The following RYR2 variants were observed in gnomAD, a reference collection of about 807,000 sequenced individuals.
The protein encoded by RYR2 is cardiac muscle ryanodine receptor-calcium release channel.
In RYR2, 227 loss-of-function variants were observed where a neutral mutation model predicts 601.1. The ratio of observed to expected loss-of-function variants is 0.38; its 90% CI spans 0.34 to 0.42. The LOEUF is 0.42. Among genes scored for constraint, RYR2 ranks in the 10% least tolerant of loss-of-function variants. The pLI, the probability that RYR2 is intolerant of heterozygous loss-of-function variation, is 1.00. For missense variants in RYR2, 4,646 were observed against 6,156.5 expected (o/e 0.75, Z 8.21); for synonymous variants, 2,223 against 2,175.1 (o/e 1.02, Z -0.61).
intron 1 of RYR2, among the ~76,000 whole-genome samples, chr1:237,211,315 A>G (rs1367623462): frequency 1.3e-5 from 2 of 152,188 alleles, no homozygotes; most frequent in Non-Finnish European, 2.9e-5. Context: ...CAAGTTATCA[A>G]TGTGCTCTGC....
intron 1 of RYR2, among the ~76,000 whole-genome samples, chr1:237,165,127 A>ATT (rs781363135): frequency 6.8e-6 from 1 of 146,962 alleles, no homozygotes; most frequent in Non-Finnish European, 1.5e-5. Context: ...TGGCTAATTA[A>ATT]TTTTTTTTTT....
chr1:237,566,816 G>A, intron 28 of RYR2, 41 bp downstream of exon 28: 12 of 1,591,754 alleles, frequency 7.5e-6, no homozygotes, highest in Non-Finnish European at 1.0e-5. Flanking sequence ...TGTACGTGCT[G>A]GAGGCTCATC....
At chr1:237,742,455 T>A in intron 80 of RYR2, 106 bp downstream of exon 80, 1 of 866,630 alleles carries the variant, frequency 1.2e-6, no homozygotes, top group African/African-American at 1.7e-5. Flanking sequence ...TTGCAGCTTA[T>A]TGTGTCAAGG....
intron 1 of RYR2, among the ~76,000 whole-genome samples, chr1:237,240,677 A>AAAAC (rs1553358934): frequency 6.7e-6 from 1 of 148,868 alleles, no homozygotes; most frequent in Non-Finnish European, 1.5e-5. Flanking sequence ...AAAAAAAAAA[A>AAAAC]AAAAAAAAAA....
At chr1:237,684,414 T>C (rs964350869) in intron 62 of RYR2, among the ~76,000 whole-genome samples, 1 of 152,018 alleles carries the variant, frequency 6.6e-6, no homozygotes, top group Admixed American at 6.6e-5. Context: ...AGTGGAGACA[T>C]CTACAGAGTG....
intron 27 of RYR2, 94 bp downstream of exon 27, chr1:237,550,785 G>C: frequency 1.5e-6 from 2 of 1,299,488 alleles, no homozygotes; most frequent in African/African-American, 1.5e-5. Context: ...GTACTGGATA[G>C]AGTCCTCTAG....
intron 1 of RYR2, among the ~76,000 whole-genome samples, chr1:237,249,913 AAGAG>A (rs1024304912): frequency 2.1e-4 from 32 of 152,206 alleles, no homozygotes; most frequent in South Asian, 4.1e-4. Context: ...CAGTCTAAGA[AAGAG>A]AGAGTCAAAA....
intron 71 of RYR2, among the ~76,000 whole-genome samples, chr1:237,712,073 A>G (rs1688886645): frequency 6.6e-6 from 1 of 152,142 alleles, no homozygotes; most frequent in African/African-American, 2.4e-5. Flanking sequence ...TTCTACTGAC[A>G]GATCCCTGGA....
At chr1:237,391,416 T>C (rs1702374405) in intron 10 of RYR2, among the ~76,000 whole-genome samples, 1 of 152,214 alleles carries the variant, frequency 6.6e-6, no homozygotes, top group Non-Finnish European at 1.5e-5. Flanking sequence ...AATTCTTTCC[T>C]GTAATTATGA....
In RYR2 at chr1:237,213,469, C is replaced by T. The variant is rs181648485; in HGVS notation, c.49-57028C>T. Among the ~76,000 whole-genome samples the T allele has an allele frequency of 3.5e-4, 53 of 152,190 alleles. No homozygotes were observed. The South Asian group carries it at 3.7e-3, about 11-fold the overall frequency. On this transcript the variant is annotated intron_variant, in intron 1 of 104. Transcript: ENST00000366574. ...CTGGGATTACAGGTGTGAGCCATTG[C>T]GTCTGGCCTTTTTTTGTTTTGTATT...
chr1:237,785,490 A>G (rs1467779333), intron 90 of RYR2, among the ~76,000 whole-genome samples: 2 of 152,204 alleles, frequency 1.3e-5, no homozygotes, highest in African/African-American at 4.8e-5. Context: ...ACTGCCTTCA[A>G]ATTACCTTAA....
At chr1:237,461,728 TAAA>T (rs766799590) in intron 16 of RYR2, among the ~76,000 whole-genome samples, 2 of 137,488 alleles carry the variant, frequency 1.5e-5, no homozygotes, top group Admixed American at 7.3e-5. Context: ...TACAGTTGAG[TAAA>T]AAAAAAAAAA....
Position 237,792,280 on chromosome 1 carries a change from C to T in RYR2, c.13739C>T (p.Thr4580Met), listed in dbSNP as rs1658469199. The T allele has an allele frequency of 1.9e-6, 3 of 1,612,622 alleles. No homozygotes were observed. Among genetic ancestry groups the T allele is most frequent in the Non-Finnish European group, 2.5e-6 (3 of 1,178,990 alleles). The change falls in exon 94 of 105, where the codon ACG becomes ATG. Residue 4580 changes from threonine (T) to methionine (M), a missense_variant. By Grantham distance (81) the Thr-to-Met change is moderately conservative. Transcript: ENST00000366574. ...TTGCGTATCTTAGCTATTCTGCACA[C>T]GGTCATTTCTTTCTTCTGCATCATT... ...PTLRILAILH[T>M]VISFFCIIGY... is the part of the protein sequence containing the mutation.
At chr1:237,237,277 A>G (rs1168415451) in intron 1 of RYR2, among the ~76,000 whole-genome samples, 3 of 152,218 alleles carry the variant, frequency 2.0e-5, no homozygotes, top group Non-Finnish European at 4.4e-5. Flanking sequence ...GTATCCTTTG[A>G]TTAATAGTAT....
chr1:237,107,394 G>A (rs539307905), intron 1 of RYR2, among the ~76,000 whole-genome samples: 200 of 151,046 alleles, frequency 1.3e-3, no homozygotes, highest in African/African-American at 4.3e-3. Context: ...GGTGGCGGGC[G>A]CCTGTAGTCC....
chr1:237,611,072 C>CT, intron 36 of RYR2, 84 bp downstream of exon 36: 1 of 1,158,554 alleles, frequency 8.6e-7, no homozygotes, highest in Admixed American at 2.2e-5. Context: ...TGGTGCGGGG[C>CT]AGGGGTGGTT....
At chr1:237,395,559 T>G (rs1299215732) in intron 10 of RYR2, among the ~76,000 whole-genome samples, 20 of 59,958 alleles carry the variant, frequency 3.3e-4, no homozygotes, top group Admixed American at 1.3e-3. Context: ...TTTTTTTTTT[T>G]TTTTTGAGAC....
At chr1:237,687,359 TCTTC>T in intron 62 of RYR2, 92 bp from the exon 63 acceptor site, 9 of 641,938 alleles carry the variant, frequency 1.4e-5, no homozygotes, top group East Asian at 9.4e-5. Flanking sequence ...TTTTCTTTTT[TCTTC>T]TTCTTTTTTT....
At chr1:237,778,166 C>A (rs535618973) in intron 87 of RYR2, among the ~76,000 whole-genome samples, 1 of 152,174 alleles carries the variant, frequency 6.6e-6, no homozygotes, top group Non-Finnish European at 1.5e-5. Context: ...TTGGTTGTAC[C>A]ATTTGTAAAA....
Sources: allele counts gnomAD v4.1 joint callset (sites outside exome capture counted in the v4.1 genomes callset), GRCh38; gene constraint gnomAD v4.1.1; transcripts MANE v1.5; gene names NCBI Gene and HGNC (gene_info 2026-07-23, HGNC 2026-07-21).